Variants in GPC3 observed in about 807,000 individuals in gnomAD.
GPC3 encodes glypican-3.
Under a neutral mutation model 34.4 loss-of-function variants are expected in GPC3, and 3 were observed. That is an observed-to-expected ratio of 0.09 (90% CI 0.04 to 0.23). The LOEUF is 0.23. Ranked by LOEUF, GPC3 falls within the 10% of genes least tolerant of loss-of-function variation. The pLI is 1.00. For synonymous variants in GPC3, 177 were observed against 174.0 expected, an observed-to-expected ratio of 1.02 and a Z score of -0.13; for missense variants, 351 against 445.6, an observed-to-expected ratio of 0.79 and a Z score of 1.91.
intron 2 of GPC3, among the ~76,000 whole-genome samples, chrX:133,788,306 G>C (rs953056498): frequency 9.3e-6 from 1 of 107,261 alleles, no homozygotes; most frequent in African/African-American, 3.4e-5. Context: ...AGAAGGTGGA[G>C]AGATATAAAA....
rs980736336 is a variant in GPC3 at position 133,813,697 on chromosome X, G to A, written c.338-59521C>T. On this transcript the variant is annotated intron_variant, in intron 2 of 7. Transcript: ENST00000370818. ...TGATGAGTTTGCATAATTAGTAAAGGTTTGGAGCTAGTGGTGCACGGAGCA... is the reference window on the plus strand; with the variant it reads ...TGATGAGTTTGCATAATTAGTAAAGATTTGGAGCTAGTGGTGCACGGAGCA... Among the ~76,000 whole-genome samples the A allele has an allele frequency of 3.6e-5, 4 of 112,362 alleles. No homozygotes were observed. In the East Asian group the frequency reaches 1.1e-3, roughly 31 times the overall value.
At chrX:133,867,440 C>A (rs1317292093) in intron 2 of GPC3, among the ~76,000 whole-genome samples, 1 of 110,295 alleles carries the variant, frequency 9.1e-6, no homozygotes, top group Non-Finnish European at 1.9e-5. Flanking sequence ...GACACATGAA[C>A]AAGTCATCCG....
intron 2 of GPC3, among the ~76,000 whole-genome samples, chrX:133,830,678 CAAAAAAAAAAAA>C (rs1174232524): frequency 5.9e-3 from 79 of 13,437 alleles, no homozygotes; most frequent in African/African-American, 0.01. Context: ...GACTCCATCT[CAAAAAAAAAAAA>C]AAAAAAAAAA....
intron 2 of GPC3, among the ~76,000 whole-genome samples, chrX:133,823,986 A>G (rs1253543535): frequency 1.8e-5 from 2 of 109,929 alleles, no homozygotes; most frequent in African/African-American, 6.6e-5. Context: ...AAAAAAAAAA[A>G]AAATTGTAAG....
chrX:133,553,114 T>C (rs1019410055), intron 7 of GPC3, among the ~76,000 whole-genome samples: 3 of 111,061 alleles, frequency 2.7e-5, no homozygotes, highest in Admixed American at 9.5e-5. Flanking sequence ...AGTAGGGCCA[T>C]TGACAGCCCT....
chrX:133,649,594 C>A (rs1245706567), intron 6 of GPC3, among the ~76,000 whole-genome samples: 1 of 111,363 alleles, frequency 9.0e-6, no homozygotes, highest in Non-Finnish European at 1.9e-5. Flanking sequence ...ATGGGGATAC[C>A]CTTATCCTAT....
At chrX:133,885,983 C>T (rs899116466) in intron 2 of GPC3, among the ~76,000 whole-genome samples, 3 of 111,523 alleles carry the variant, frequency 2.7e-5, no homozygotes, top group Non-Finnish European at 5.6e-5. Context: ...TCTCCATTTT[C>T]CCCTTTAAAT....
chrX:133,869,333 C>G (rs1209777211), intron 2 of GPC3, among the ~76,000 whole-genome samples: 1 of 112,016 alleles, frequency 8.9e-6, no homozygotes, highest in Non-Finnish European at 1.9e-5. Flanking sequence ...GGGTTTTGGA[C>G]ATAATACTTG....
chrX:133,609,868 T>C (rs2070091354), intron 6 of GPC3, among the ~76,000 whole-genome samples: 1 of 112,447 alleles, frequency 8.9e-6, no homozygotes, highest in African/African-American at 3.2e-5. Context: ...CACTAGCTGA[T>C]TTAGTGTATC....
In GPC3 at chrX:133,900,123, C is replaced by T. The variant is rs754841510; in HGVS notation, c.337+52927G>A. Among the ~76,000 whole-genome samples, 3 of 112,031 alleles carry T rather than the reference C, an allele frequency of 2.7e-5. No individual in the cohort carries two copies. In the South Asian group the frequency reaches 1.1e-3, roughly 42 times the overall value. ...CGGCCGGTCTAATGGTTTTTAAATTCAACTTAAACTAAAGCGCAGAAGGAG... is the reference window on the plus strand; with the variant it reads ...CGGCCGGTCTAATGGTTTTTAAATTTAACTTAAACTAAAGCGCAGAAGGAG... On this transcript the variant is annotated intron_variant, in intron 2 of 7. Transcript: ENST00000370818.
chrX:133,921,808 T>C (rs997089700), intron 2 of GPC3, among the ~76,000 whole-genome samples: 2 of 112,386 alleles, frequency 1.8e-5, no homozygotes, highest in African/African-American at 6.5e-5. Flanking sequence ...TATGTTGCAC[T>C]GTATACCAAC....
intron 5 of GPC3, among the ~76,000 whole-genome samples, chrX:133,670,375 G>A (rs1167551205): frequency 2.8e-5 from 3 of 108,900 alleles, no homozygotes; most frequent in Non-Finnish European, 5.6e-5. Context: ...AACAGATCTT[G>A]CTGATTTTTG....
Position 133,762,118 on chromosome X carries a change from G to A in GPC3, c.338-7942C>T, listed in dbSNP as rs1341215009. The stretch of plus-strand genomic sequence containing the variant: ...AATAAATAAGGAGAAGGAGGGAGAG[G>A]AGCTATGCCTACCACTTAAAGAAAA... On this transcript the variant is annotated intron_variant, in intron 2 of 7. Transcript: ENST00000370818. 2.2e-4 allele frequency among the ~76,000 whole-genome samples: 25 copies of A among 111,984 alleles called. No individual in the cohort carries two copies. In the Admixed American group the frequency reaches 2.4e-3, roughly 11 times the overall value.
At chrX:133,567,785 C>CT (rs1461356841) in intron 7 of GPC3, among the ~76,000 whole-genome samples, 1 of 111,962 alleles carries the variant, frequency 8.9e-6, no homozygotes, top group Non-Finnish European at 1.9e-5. Context: ...CTAAGGCCCA[C>CT]TTATAACACA....
intron 3 of GPC3, among the ~76,000 whole-genome samples, chrX:133,719,259 GA>G (rs1686963032): frequency 9.0e-6 from 1 of 111,663 alleles, no homozygotes; most frequent in Non-Finnish European, 1.9e-5. Flanking sequence ...AATAAAATTA[GA>G]AAACAATAAC....
intron 2 of GPC3, among the ~76,000 whole-genome samples, chrX:133,852,944 T>C (rs1216231201): frequency 1.1e-5 from 1 of 89,399 alleles, no homozygotes; most frequent in Non-Finnish European, 2.1e-5. Context: ...ACATGGTATA[T>C]CATTAATATT....
chrX:133,554,877 T>TA (rs1303289375), intron 7 of GPC3, among the ~76,000 whole-genome samples: 1 of 111,653 alleles, frequency 9.0e-6, no homozygotes, highest in African/African-American at 3.3e-5. Flanking sequence ...TCTATAGAAG[T>TA]AAAAATTGCC....
intron 5 of GPC3, among the ~76,000 whole-genome samples, chrX:133,666,283 A>C (rs1424324511): frequency 8.9e-6 from 1 of 112,042 alleles, no homozygotes; most frequent in Non-Finnish European, 1.9e-5. Flanking sequence ...TTTAAAAGAC[A>C]GTTTTGGGTT....
At chrX:133,795,828 T>C (rs944997330) in intron 2 of GPC3, among the ~76,000 whole-genome samples, 2 of 110,799 alleles carry the variant, frequency 1.8e-5, no homozygotes, top group African/African-American at 6.6e-5. Context: ...GTATATTCCA[T>C]GGAGCAAAAG....
Sources: allele counts gnomAD v4.1 joint callset (sites outside exome capture counted in the v4.1 genomes callset), GRCh38; gene constraint gnomAD v4.1.1; transcripts MANE v1.5; gene names NCBI Gene and HGNC (gene_info 2026-07-23, HGNC 2026-07-21).